Variants in UBE2E2 observed in about 807,000 individuals in gnomAD.
The protein encoded by UBE2E2 is ubiquitin-conjugating enzyme E2 E2.
In UBE2E2, 6 loss-of-function variants were observed where a neutral mutation model predicts 24.7. The ratio of observed to expected loss-of-function variants is 0.24; its 90% CI spans 0.13 to 0.48. The LOEUF is 0.48. Among genes scored for constraint, UBE2E2 ranks in the 20% least tolerant of loss-of-function variants. The pLI is 0.99. For missense variants in UBE2E2, 169 were observed against 245.0 expected, an observed-to-expected ratio of 0.69 and a Z score of 2.07; for synonymous variants, 104 against 83.6, an observed-to-expected ratio of 1.24 and a Z score of -1.33.
intron 3 of UBE2E2, among the ~76,000 whole-genome samples, chr3:23,254,593 T>TTC (rs1334410582): frequency 6.6e-6 from 1 of 152,234 alleles, no homozygotes; most frequent in African/African-American, 2.4e-5. Context: ...TTAAGGTATA[T>TTC]CTGGCTTCAT....
At chr3:23,270,560 C>T (rs113884907) in intron 3 of UBE2E2, among the ~76,000 whole-genome samples, 4 of 152,194 alleles carry the variant, frequency 2.6e-5, no homozygotes, top group Admixed American at 2.0e-4. Flanking sequence ...GGTATTCTGG[C>T]CCTGAGGAAG....
chr3:23,246,204 T>G (rs1305709256), intron 3 of UBE2E2, among the ~76,000 whole-genome samples: 1 of 144,484 alleles, frequency 6.9e-6, no homozygotes, highest in East Asian at 2.1e-4. Flanking sequence ...TACAGGTGTA[T>G]GCCACCATGC....
rs1221712621 is a variant in UBE2E2, at chr3:23,583,415, C to G, written c.509-6319C>G. Among the ~76,000 whole-genome samples, 2 of 152,082 alleles carry G rather than the reference C, an allele frequency of 1.3e-5. No individual in the cohort carries two copies. The highest frequency in any genetic ancestry group is 4.8e-5 in the African/African-American group (2 of 41,402). On this transcript the variant is annotated intron_variant, in intron 5 of 5. Coordinates refer to ENST00000396703, the MANE Select transcript of UBE2E2 (RefSeq NM_152653.4). The surrounding 1 kb of genome is among the most constrained non-coding windows in gnomAD (Gnocchi z 4.1). ...TAGCATTGCTTTGGCTATTCAGGCC[C>G]TTTTTTGGTTCCATATGAATTTTAA...
chr3:23,576,670 C>T (rs1696354185), intron 5 of UBE2E2, among the ~76,000 whole-genome samples: 1 of 152,092 alleles, frequency 6.6e-6, no homozygotes, highest in African/African-American at 2.4e-5. Context: ...TCTAATCATC[C>T]ATCCATCCAT....
At chr3:23,479,288 G>C (rs767853953) in intron 3 of UBE2E2, among the ~76,000 whole-genome samples, 1 of 152,218 alleles carries the variant, frequency 6.6e-6, no homozygotes, top group Non-Finnish European at 1.5e-5. Context: ...GCCAGCTGCT[G>C]TGGTGGGGCA....
chr3:23,564,076 G>A (rs571255061), intron 5 of UBE2E2, among the ~76,000 whole-genome samples: 1 of 152,162 alleles, frequency 6.6e-6, no homozygotes, highest in South Asian at 2.1e-4. Context: ...ATGTGTTTGT[G>A]TGTGAAGAAT....
chr3:23,568,751 G>T (rs1049937722), intron 5 of UBE2E2, among the ~76,000 whole-genome samples: 2 of 130,528 alleles, frequency 1.5e-5, no homozygotes, highest in African/African-American at 3.1e-5. Flanking sequence ...ATATATATAT[G>T]TATAACACTT....
intron 3 of UBE2E2, among the ~76,000 whole-genome samples, chr3:23,388,963 C>G (rs1575600165): frequency 6.7e-6 from 1 of 148,298 alleles, no homozygotes; most frequent in Admixed American, 6.8e-5. Context: ...GATCGTGCCA[C>G]TGCACTCCAG....
chr3:23,469,606 A>T (rs1266905525), intron 3 of UBE2E2, among the ~76,000 whole-genome samples: 1 of 152,036 alleles, frequency 6.6e-6, no homozygotes, highest in East Asian at 2.0e-4. Context: ...TAATAAATAA[A>T]GCAGAGTTGA....
chr3:23,401,817 G>A (rs1034589445), intron 3 of UBE2E2, among the ~76,000 whole-genome samples: 1 of 149,632 alleles, frequency 6.7e-6, no homozygotes, highest in African/African-American at 2.5e-5. Flanking sequence ...AGTAGCTTGG[G>A]ACTACAGGCA....
chr3:23,459,188 C>G (rs1311689830), intron 3 of UBE2E2, among the ~76,000 whole-genome samples: 1 of 152,186 alleles, frequency 6.6e-6, no homozygotes, highest in East Asian at 1.9e-4. Flanking sequence ...GTAAGCAAAT[C>G]TATCCATGGA....
rs1699087806 is a variant in UBE2E2 at position 23,474,523 on chromosome 3, G to T, written c.228-25085G>T. ...TCATAGAATTATAATGTATAATTTT[G>T]GAATTTATTGTTGAAGGGGGCTTTG... On this transcript the variant is annotated intron_variant, in intron 3 of 5. Transcript: ENST00000396703. The surrounding 1 kb of genome is among the most constrained non-coding windows in gnomAD (Gnocchi z 4.0). 6.6e-6 allele frequency among the ~76,000 whole-genome samples: 1 copy of T among 151,934 alleles called. No homozygotes were observed. Among genetic ancestry groups the T allele is most frequent in the Non-Finnish European group, 1.5e-5 (1 of 68,002 alleles).
At chr3:23,240,812 C>CT (rs917061061) in intron 3 of UBE2E2, among the ~76,000 whole-genome samples, 1 of 152,098 alleles carries the variant, frequency 6.6e-6, no homozygotes, top group Non-Finnish European at 1.5e-5. Flanking sequence ...TATGCAGTAA[C>CT]TTTTTTTCTT....
intron 5 of UBE2E2, among the ~76,000 whole-genome samples, chr3:23,547,677 C>T (rs1188856876): frequency 2.0e-5 from 3 of 152,012 alleles, no homozygotes; most frequent in Non-Finnish European, 4.4e-5. Flanking sequence ...CATAAAACAC[C>T]CTCGAGGATG....
chr3:23,562,861 G>T (rs543224894), intron 5 of UBE2E2, among the ~76,000 whole-genome samples: 292 of 152,296 alleles, frequency 1.9e-3, no homozygotes, highest in Middle Eastern at 3.4e-3. Flanking sequence ...TTGCATAGAG[G>T]TGTTTATAGT....
intron 3 of UBE2E2, among the ~76,000 whole-genome samples, chr3:23,436,894 T>G (rs1466216639): frequency 6.6e-6 from 1 of 152,144 alleles, no homozygotes; most frequent in Non-Finnish European, 1.5e-5. Context: ...TTTCACAGAG[T>G]ATTTTGCATA....
intron 3 of UBE2E2, among the ~76,000 whole-genome samples, chr3:23,390,609 C>T (rs979772631): frequency 1.3e-5 from 2 of 152,222 alleles, no homozygotes; most frequent in African/African-American, 4.8e-5. Flanking sequence ...CTCCACTGAG[C>T]TGGTTAACAG....
At chr3:23,384,077 C>A (rs1216477484) in intron 3 of UBE2E2, among the ~76,000 whole-genome samples, 1 of 152,070 alleles carries the variant, frequency 6.6e-6, no homozygotes, top group African/African-American at 2.4e-5. Context: ...CTCACTGTAA[C>A]CTTAAACTCC....
chr3:23,263,475 T>C (rs1409584735), intron 3 of UBE2E2, among the ~76,000 whole-genome samples: 1 of 152,228 alleles, frequency 6.6e-6, no homozygotes, highest in East Asian at 1.9e-4. Context: ...CTGACAGTGA[T>C]AGGCTAACAG....
Sources: allele counts gnomAD v4.1 joint callset (sites outside exome capture counted in the v4.1 genomes callset), GRCh38; gene constraint gnomAD v4.1.1; non-coding constraint Gnocchi (gnomAD v3.1); transcripts MANE v1.5; gene names NCBI Gene and HGNC (gene_info 2026-07-23, HGNC 2026-07-21).